Variants in CFAP184 observed in about 807,000 individuals in gnomAD.
CFAP184 encodes cilia- and flagella-associated protein 184.
the CFAP184 span, chr4:7,042,678 C>T: frequency 1.3e-6 from 2 of 1,508,254 alleles, no homozygotes; most frequent in South Asian, 2.5e-5. Context: ...CCGGCCTCCC[C>T]GGCTCTCCAG....
the CFAP184 span, chr4:7,042,756 G>T: frequency 6.5e-7 from 1 of 1,530,430 alleles, no homozygotes. Flanking sequence ...CGTCCGCGGC[G>T]GTGCCTCCCT....
the CFAP184 span, chr4:7,042,020 G>A: frequency 6.2e-7 from 1 of 1,612,036 alleles, no homozygotes; most frequent in East Asian, 2.2e-5. Context: ...CCCAGCTCCT[G>A]GTGGTACCAC....
At chr4:7,042,923 C>T in the CFAP184 span, 4 of 1,502,676 alleles carry the variant, frequency 2.7e-6, no homozygotes, top group Non-Finnish European at 3.6e-6. Context: ...TTAGTGTGCT[C>T]AGAGCTGACG....
the CFAP184 span, chr4:7,041,669 C>G: frequency 6.2e-7 from 1 of 1,614,180 alleles, no homozygotes; most frequent in Non-Finnish European, 8.5e-7. Flanking sequence ...TCATTTCGTT[C>G]CTCAATTTTC....
the CFAP184 span, chr4:7,042,972 G>C: frequency 1.4e-5 from 20 of 1,399,864 alleles, no homozygotes; most frequent in Non-Finnish European, 1.7e-5. Context: ...GCGGACCCCG[G>C]CAGGACGCTG....
chr4:7,042,533 T>C, the CFAP184 span: 1 of 1,597,948 alleles, frequency 6.3e-7, no homozygotes, highest in Non-Finnish European at 8.5e-7. Flanking sequence ...CTGACTTCCT[T>C]CCCCTCTGCC....
At chr4:7,041,525 C>T in the CFAP184 span, 9 of 1,613,750 alleles carry the variant, frequency 5.6e-6, no homozygotes, top group African/African-American at 4.0e-5. Flanking sequence ...CTTCCTAGGG[C>T]GGCCTGGGCC....
At chr4:7,041,944 G>T in the CFAP184 span, 1 of 1,612,662 alleles carries the variant, frequency 6.2e-7, no homozygotes. Context: ...CTTCTTGAGT[G>T]CCTGGAAGCG....
the CFAP184 span, chr4:7,041,480 CCT>C: frequency 6.2e-7 from 1 of 1,614,106 alleles, no homozygotes; most frequent in Non-Finnish European, 8.5e-7. Flanking sequence ...GTCCGCAGCC[CCT>C]CTCGGGCTTG....
the CFAP184 span, chr4:7,040,892 G>GT: frequency 7.4e-5 from 13 of 175,696 alleles, no homozygotes; most frequent in East Asian, 3.1e-4. Flanking sequence ...AATGCACAGG[G>GT]TTTTTTTGTA....
the CFAP184 span, chr4:7,041,497 G>A: frequency 6.2e-6 from 10 of 1,614,102 alleles, no homozygotes; most frequent in African/African-American, 1.3e-5. Context: ...GGCTTGCTTC[G>A]TCTTGGTCAG....
chr4:7,041,223 G>A, the CFAP184 span: 12 of 1,521,042 alleles, frequency 7.9e-6, no homozygotes, highest in Admixed American at 2.2e-4. Flanking sequence ...AAGCAGGACA[G>A]CACGTCCTGA....
At chr4:7,041,142 T>C in the CFAP184 span, 2 of 1,381,292 alleles carry the variant, frequency 1.4e-6, no homozygotes, top group Non-Finnish European at 1.9e-6. Context: ...CTAAAACGTT[T>C]TGAGATAAAT....
the CFAP184 span, chr4:7,041,170 C>A: frequency 4.7e-6 from 7 of 1,478,172 alleles, no homozygotes; most frequent in South Asian, 1.0e-4. Context: ...AGAGTCCCGT[C>A]CCAAATGACA....
chr4:7,041,566 G>C, the CFAP184 span: 17 of 1,614,232 alleles, frequency 1.1e-5, no homozygotes, highest in Non-Finnish European at 1.4e-5. Flanking sequence ...CTTTTTGCAC[G>C]CGTTCTCCAT....
chr4:7,042,579 T>C, the CFAP184 span: 5 of 1,552,102 alleles, frequency 3.2e-6, no homozygotes, highest in Non-Finnish European at 4.3e-6. Context: ...CCTCCGCCTC[T>C]AGTTCCTCGG....
the CFAP184 span, chr4:7,041,565 C>G: frequency 6.2e-7 from 1 of 1,614,262 alleles, no homozygotes; most frequent in Admixed American, 1.7e-5. Flanking sequence ...TCTTTTTGCA[C>G]GCGTTCTCCA....
chr4:7,041,255 C>CT, the CFAP184 span: 2 of 1,552,142 alleles, frequency 1.3e-6, no homozygotes, highest in Non-Finnish European at 1.7e-6. Context: ...TTTGCAGACT[C>CT]TTCTCATCGA....
At chr4:7,040,981 T>C in the CFAP184 span, 1 of 333,590 alleles carries the variant, frequency 3.0e-6, no homozygotes, top group Admixed American at 4.3e-5. Context: ...ATCACTGAAA[T>C]TATAGAATTG....
Sources: gnomAD v4.1 joint callset for allele counts on GRCh38, gnomAD v4.1.1 for gene constraint, MANE v1.5 for transcripts, NCBI Gene and HGNC (gene_info 2026-07-23, HGNC 2026-07-21) for gene names.